SARNP: variants seen among roughly 807,000 people sequenced by gnomAD.
SARNP encodes the protein SAP domain-containing ribonucleoprotein.
SARNP carries 5 observed loss-of-function variants against 38.1 expected under a neutral mutation model. The observed-to-expected ratio is 0.13, with a 90% CI of 0.07 to 0.28. The LOEUF (loss-of-function observed/expected upper bound fraction) is 0.28, where lower values mean the gene tolerates loss of function less well. SARNP is among the 10% of genes least tolerant of loss of function. The pLI is 1.00. For synonymous variants in SARNP, 84 were observed against 80.6 expected (o/e 1.04, Z -0.23); for missense variants, 180 against 243.9 (o/e 0.74, Z 1.75).
At chr12:55,801,158 T>C (rs1422666233) in intron 2 of SARNP, among the ~76,000 whole-genome samples, 3 of 152,198 alleles carry the variant, frequency 2.0e-5, no homozygotes, top group African/African-American at 7.2e-5. Flanking sequence ...AAAGTAATGT[T>C]GGGCCAGGCA....
chr12:55,773,040 C>T (rs1264367998), intron 9 of SARNP, among the ~76,000 whole-genome samples: 6 of 152,108 alleles, frequency 3.9e-5, no homozygotes, highest in African/African-American at 7.2e-5. Context: ...TTTCAGGAGA[C>T]GTGAATGCTG....
chr12:55,794,664 C>T (rs1879768643), intron 6 of SARNP, 143 bp downstream of exon 6: 1 of 655,014 alleles, frequency 1.5e-6, no homozygotes, highest in African/African-American at 1.8e-5. Context: ...TAGACATGTT[C>T]TGAATAGGGT....
At chr12:55,764,318 G>C (rs1878760569) in intron 9 of SARNP, among the ~76,000 whole-genome samples, 1 of 152,026 alleles carries the variant, frequency 6.6e-6, no homozygotes, top group Non-Finnish European at 1.5e-5. Context: ...AAAATCCTGA[G>C]GTCGGGAGTT....
At chr12:55,795,384 C>CA (rs1213066887) in intron 5 of SARNP, among the ~76,000 whole-genome samples, 1 of 151,312 alleles carries the variant, frequency 6.6e-6, no homozygotes, top group Non-Finnish European at 1.5e-5. Flanking sequence ...ACAAAGCAAA[C>CA]AAAAAAAGAC....
At chr12:55,806,368 A>G (rs1344967579) in intron 1 of SARNP, among the ~76,000 whole-genome samples, 2 of 147,864 alleles carry the variant, frequency 1.4e-5, no homozygotes, top group Admixed American at 6.8e-5. Context: ...TCTGCGTTCC[A>G]GGTTCAAGCA....
chr12:55,812,226 T>C (rs887012121), intron 1 of SARNP, among the ~76,000 whole-genome samples: 2 of 152,250 alleles, frequency 1.3e-5, no homozygotes, highest in South Asian at 4.1e-4. Context: ...TCAACTCTTT[T>C]TGTAAACATC....
At chr12:55,791,191 T>C (rs1166984401) in intron 7 of SARNP, among the ~76,000 whole-genome samples, 2 of 151,934 alleles carry the variant, frequency 1.3e-5, no homozygotes, top group Non-Finnish European at 2.9e-5. Context: ...CAGGGAGAGG[T>C]AATGGAGGAT....
At chr12:55,792,788 G>A (rs905037032) in intron 7 of SARNP, 6 of 152,054 alleles carry the variant, frequency 3.9e-5, no homozygotes, top group Admixed American at 2.0e-4. Context: ...AGGCTTAAGA[G>A]ATACTCCCAC....
At chr12:55,784,597 A>G (rs1409101539) in intron 9 of SARNP, among the ~76,000 whole-genome samples, 4 of 152,240 alleles carry the variant, frequency 2.6e-5, no homozygotes, top group African/African-American at 7.2e-5. Flanking sequence ...AAAAATTCTC[A>G]GCTACAGATT....
At chr12:55,785,753 G>A (rs1879472430) in intron 9 of SARNP, among the ~76,000 whole-genome samples, 1 of 150,748 alleles carries the variant, frequency 6.6e-6, no homozygotes, top group Admixed American at 6.6e-5. Context: ...TCCAGCCTGG[G>A]TGACAGAACA....
In SARNP at chr12:55,817,708, A is replaced by AC; in HGVS notation, c.-8dup. 1 of 1,612,378 alleles carries AC rather than the reference A, an allele frequency of 6.2e-7. No individual in the cohort carries two copies. Among genetic ancestry groups the AC allele is most frequent in the Non-Finnish European group, 8.5e-7 (1 of 1,179,292 alleles). ...CCACCGTCTCGGTCGCCATCTTGTTACCCCTCACTCCACTAGGCCCCCACC... is the reference window on the plus strand; with the variant it reads ...CCACCGTCTCGGTCGCCATCTTGTTACCCCCTCACTCCACTAGGCCCCCACC... On this transcript the variant is annotated 5_prime_UTR_variant, in exon 1 of 11. Coordinates refer to ENST00000336133, the MANE Select transcript of SARNP (RefSeq NM_033082.4).
intron 2 of SARNP, among the ~76,000 whole-genome samples, chr12:55,802,614 A>G (rs1034254638): frequency 2.6e-5 from 4 of 151,930 alleles, no homozygotes; most frequent in Non-Finnish European, 5.9e-5. Context: ...TCTCACCCCC[A>G]AGATATCTCA....
At chr12:55,757,693 G>A (rs1878554451) in intron 10 of SARNP, 140 bp from the exon 11 acceptor site, 1 of 594,182 alleles carries the variant, frequency 1.7e-6, no homozygotes, top group Non-Finnish European at 2.9e-6. Context: ...TTGGTAGCTA[G>A]AGATTTCATT....
At position 55,757,464 on chromosome 12, in the gene SARNP, G is replaced by C. The variant is rs917229086; in HGVS notation, c.*48C>G. ...AGGCATATATGTGACCAAGAAGAAGGAGAGAAATGGAAAACACTGGAGAAC... is the reference window on the plus strand; with the variant it reads ...AGGCATATATGTGACCAAGAAGAAGCAGAGAAATGGAAAACACTGGAGAAC... On this transcript the variant is annotated 3_prime_UTR_variant, in exon 11 of 11. Coordinates refer to ENST00000336133, the MANE Select transcript of SARNP (RefSeq NM_033082.4). 2 of 1,537,612 alleles carry C rather than the reference G, an allele frequency of 1.3e-6. No homozygotes were observed. The highest frequency in any genetic ancestry group is 3.7e-5 in the Admixed American group (2 of 53,714).
At chr12:55,816,703 A>G (rs916619094) in intron 1 of SARNP, among the ~76,000 whole-genome samples, 2 of 152,258 alleles carry the variant, frequency 1.3e-5, no homozygotes, top group Non-Finnish European at 2.9e-5. Context: ...TGAAACCACA[A>G]ACAGACAATT....
chr12:55,776,624 G>A (rs530448131), intron 9 of SARNP, among the ~76,000 whole-genome samples: 4 of 152,178 alleles, frequency 2.6e-5, no homozygotes, highest in South Asian at 2.1e-4. Flanking sequence ...GATACAGAGG[G>A]CTGAGTATAC....
chr12:55,807,335 A>G (rs1160668003), intron 1 of SARNP, among the ~76,000 whole-genome samples: 1 of 152,112 alleles, frequency 6.6e-6, no homozygotes, highest in Admixed American at 6.6e-5. Flanking sequence ...ACTGTGAACC[A>G]CGCCTTAAGT....
intron 9 of SARNP, among the ~76,000 whole-genome samples, chr12:55,770,540 A>G (rs1212938190): frequency 6.6e-6 from 1 of 151,986 alleles, no homozygotes; most frequent in Non-Finnish European, 1.5e-5. Flanking sequence ...CGCCCAGCCT[A>G]TAACTAGAAA....
chr12:55,792,772 C>T (rs1489658010), intron 7 of SARNP: 4 of 152,016 alleles, frequency 2.6e-5, no homozygotes, highest in African/African-American at 7.3e-5. Context: ...CCAGCCTTGA[C>T]CTCCCAGGCT....
Sources: gnomAD v4.1 joint callset for allele counts (sites outside exome capture counted in the v4.1 genomes callset) on GRCh38, gnomAD v4.1.1 for gene constraint, MANE v1.5 for transcripts, NCBI Gene and HGNC (gene_info 2026-07-23, HGNC 2026-07-21) for gene names.